PON3: variants seen among roughly 807,000 people sequenced by gnomAD.
The protein encoded by PON3 is serum paraoxonase/lactonase 3.
A neutral mutation model predicts 36.3 loss-of-function variants in PON3; 37 were observed. The observed-to-expected ratio is 1.02, with a 90% CI of 0.78 to 1.34. The LOEUF is 1.34. PON3 is among the 40% of genes most tolerant of loss of function. The probability of loss-of-function intolerance (pLI) is 0.00; values close to 1 mark genes in which losing one functional copy is unlikely to be tolerated. For missense variants in PON3, 415 were observed against 426.5 expected, an observed-to-expected ratio of 0.97 and a Z score of 0.24; for synonymous variants, 155 against 154.8, an observed-to-expected ratio of 1.00 and a Z score of -0.01.
At chr7:95,384,518 C>T (rs1169734363) in intron 3 of PON3, among the ~76,000 whole-genome samples, 1 of 151,104 alleles carries the variant, frequency 6.6e-6, no homozygotes, top group Non-Finnish European at 1.5e-5. Context: ...GAAAAAAACA[C>T]CCCACCAAAA....
At chr7:95,378,800 T>C (rs1006174073) in intron 3 of PON3, among the ~76,000 whole-genome samples, 1 of 152,170 alleles carries the variant, frequency 6.6e-6, no homozygotes, top group African/African-American at 2.4e-5. Flanking sequence ...TGCAAAAACA[T>C]GCCAAATTGT....
chr7:95,387,336 C>G (rs1466369499), intron 3 of PON3, among the ~76,000 whole-genome samples: 1 of 152,082 alleles, frequency 6.6e-6, no homozygotes, highest in Non-Finnish European at 1.5e-5. Flanking sequence ...TTCCTATACA[C>G]CAATAACAGA....
intron 3 of PON3, among the ~76,000 whole-genome samples, chr7:95,374,332 T>C (rs148627151): frequency 2.6e-4 from 40 of 152,282 alleles, no homozygotes; most frequent in Admixed American, 1.5e-3. Flanking sequence ...CTCCCTCTTT[T>C]CTCAAGTAAG....
intron 4 of PON3, among the ~76,000 whole-genome samples, chr7:95,370,325 G>A (rs1476899298): frequency 2.0e-5 from 3 of 152,304 alleles, no homozygotes; most frequent in South Asian, 2.1e-4. Context: ...TGGTAGCAGT[G>A]AGGATGGGGA....
At chr7:95,390,116 A>G (rs767974520) in intron 3 of PON3, 38 bp downstream of exon 3, 3 of 1,554,020 alleles carry the variant, frequency 1.9e-6, no homozygotes, top group South Asian at 2.2e-5. Flanking sequence ...CTATACAGCT[A>G]TTGATGTGAG....
intron 3 of PON3, among the ~76,000 whole-genome samples, chr7:95,384,939 A>G (rs1392751279): frequency 2.0e-5 from 3 of 152,234 alleles, no homozygotes; most frequent in Non-Finnish European, 2.9e-5. Context: ...AATAGCAAAG[A>G]CTTGGAACCA....
At chr7:95,381,322 A>C (rs1468152660) in intron 3 of PON3, among the ~76,000 whole-genome samples, 1 of 152,248 alleles carries the variant, frequency 6.6e-6, no homozygotes, top group Non-Finnish European at 1.5e-5. Flanking sequence ...AGCTAACATC[A>C]TAATGACAGG....
chr7:95,378,406 C>T (rs1273654439), intron 3 of PON3, among the ~76,000 whole-genome samples: 1 of 152,154 alleles, frequency 6.6e-6, no homozygotes, highest in African/African-American at 2.4e-5. Context: ...AAAGAGAACA[C>T]CACAAAGATA....
intron 7 of PON3, 91 bp from the exon 8 acceptor site, chr7:95,362,581 G>T: frequency 6.3e-7 from 1 of 1,583,394 alleles, no homozygotes; most frequent in East Asian, 2.2e-5. Flanking sequence ...AGCTTCTTCT[G>T]GCACCTAAAG....
At chr7:95,394,365 AAGG>A (rs1268797334) in intron 2 of PON3, among the ~76,000 whole-genome samples, 1 of 152,210 alleles carries the variant, frequency 6.6e-6, no homozygotes, top group Non-Finnish European at 1.5e-5. Context: ...ACAGATGGGA[AAGG>A]AGAAGCATTC....
intron 3 of PON3, among the ~76,000 whole-genome samples, chr7:95,377,143 G>A (rs114252999): frequency 0.036 from 5,438 of 152,274 alleles, 324 homozygotes; most frequent in African/African-American, 0.12. Context: ...CCTTGCTCAC[G>A]GCTAGCACAG....
intron 6 of PON3, among the ~76,000 whole-genome samples, 193 bp from the exon 7 acceptor site, chr7:95,363,034 T>C (rs1327321553): frequency 6.6e-6 from 1 of 152,176 alleles, no homozygotes; most frequent in African/African-American, 2.4e-5. Context: ...GCTTTGAATA[T>C]GAGTTATGAC....
intron 3 of PON3, among the ~76,000 whole-genome samples, chr7:95,387,404 C>T (rs759100168): frequency 5.9e-5 from 9 of 152,106 alleles, no homozygotes; most frequent in Admixed American, 1.3e-4. Flanking sequence ...GAATAAAATA[C>T]CTGGGAATCC....
chr7:95,372,894 G>T (rs1808840635), intron 3 of PON3, among the ~76,000 whole-genome samples: 1 of 152,126 alleles, frequency 6.6e-6, no homozygotes, highest in Non-Finnish European at 1.5e-5. Context: ...GACCTATTTT[G>T]TTCCTATAGG....
chr7:95,384,933 G>C (rs1307314931), intron 3 of PON3, among the ~76,000 whole-genome samples: 1 of 152,182 alleles, frequency 6.6e-6, no homozygotes, highest in South Asian at 2.1e-4. Context: ...ACTCACAATA[G>C]CAAAGACTTG....
chr7:95,379,924 CCT>C, intron 3 of PON3, among the ~76,000 whole-genome samples: 1 of 152,310 alleles, frequency 6.6e-6, no homozygotes, highest in African/African-American at 2.4e-5. Context: ...GTCCCTGACC[CCT>C]GAGTAGCCTA....
At chr7:95,383,013 T>C (rs571530998) in intron 3 of PON3, among the ~76,000 whole-genome samples, 68 of 152,264 alleles carry the variant, frequency 4.5e-4, no homozygotes, top group Non-Finnish European at 7.6e-4. Flanking sequence ...CAAGATCAAG[T>C]GGGCTTCATC....
At chr7:95,372,738 C>T (rs962245554) in intron 3 of PON3, among the ~76,000 whole-genome samples, 2 of 152,112 alleles carry the variant, frequency 1.3e-5, no homozygotes, top group Non-Finnish European at 2.9e-5. Flanking sequence ...TATTCTATAA[C>T]TAACCTTCCT....
At chr7:95,371,584 G>A (rs1048844028) in intron 4 of PON3, among the ~76,000 whole-genome samples, 1 of 152,126 alleles carries the variant, frequency 6.6e-6, no homozygotes, top group Non-Finnish European at 1.5e-5. Context: ...ACAGGCCTTT[G>A]TGTATCTTAG....
Sources: allele counts gnomAD v4.1 joint callset (sites outside exome capture counted in the v4.1 genomes callset), GRCh38; gene constraint gnomAD v4.1.1; transcripts MANE v1.5; gene names NCBI Gene and HGNC (gene_info 2026-07-23, HGNC 2026-07-21).